The following MUC5AC variants were observed in gnomAD, a reference collection of about 807,000 sequenced individuals.
The protein encoded by MUC5AC is mucin 5AC, oligomeric mucus/gel-forming, also known as mucin-5AC.
MUC5AC carries 158 observed loss-of-function variants against 169.7 expected under a neutral mutation model. That is an observed-to-expected ratio of 0.93 (90% CI 0.82 to 1.06). The LOEUF (loss-of-function observed/expected upper bound fraction) is 1.06. Ranked by LOEUF, MUC5AC falls within the 50% of genes least tolerant of loss-of-function variation. MUC5AC has a pLI of 0.00. For synonymous variants in MUC5AC, 1,975 were observed against 1,237.0 expected, an observed-to-expected ratio of 1.60 and a Z score of -12.52; for missense variants, 4,359 against 3,089.9, an observed-to-expected ratio of 1.41 and a Z score of -9.74.
intron 16 of MUC5AC, 35 bp from the exon 17 acceptor site, chr11:1,174,461 G>C: frequency 7.6e-7 from 1 of 1,320,082 alleles, no homozygotes; most frequent in Non-Finnish European, 1.0e-6. Context: ...TGTGGGCTGG[G>C]GTCTCTGATG....
intron 15 of MUC5AC, among the ~76,000 whole-genome samples, chr11:1,171,374 CCCAT>C (rs1590139096): frequency 4.9e-5 from 7 of 142,384 alleles, no homozygotes; most frequent in South Asian, 2.4e-4. Context: ...CACCCACTCA[CCCAT>C]TCACTCACCC....
At chr11:1,176,453 G>C in intron 20 of MUC5AC, 61 bp from the exon 21 acceptor site, 3 of 398,906 alleles carry the variant, frequency 7.5e-6, no homozygotes, top group Non-Finnish European at 1.3e-5. Context: ...GCTGTCCCTG[G>C]GAGGACCTGG....
chr11:1,170,811 A>T (rs1860490795), intron 15 of MUC5AC, among the ~76,000 whole-genome samples: 1 of 147,134 alleles, frequency 6.8e-6, no homozygotes, highest in South Asian at 2.2e-4. Context: ...TCACCCACTC[A>T]CCCATTCACC....
chr11:1,197,135 C>T (rs896443323), intron 40 of MUC5AC, among the ~76,000 whole-genome samples: 21 of 152,270 alleles, frequency 1.4e-4, no homozygotes, highest in African/African-American at 4.3e-4. Flanking sequence ...GGTGCCGGGG[C>T]GTCTGTCCTG....
chr11:1,169,851 GACTCACCCATTCACCC>G (rs1860447648), intron 15 of MUC5AC, among the ~76,000 whole-genome samples: 1 of 28,520 alleles, frequency 3.5e-5, no homozygotes, highest in Non-Finnish European at 6.8e-5. Flanking sequence ...CCCACTCACC[GACTCACCCATTCACCC>G]ACTCACCCAC....
intron 21 of MUC5AC, 90 bp downstream of exon 21, chr11:1,176,755 T>A: frequency 2.5e-6 from 1 of 398,014 alleles, no homozygotes; most frequent in Non-Finnish European, 4.4e-6. Flanking sequence ...AGCACAGGGG[T>A]CCCGGGAAAA....
rs1266150699 is a variant in MUC5AC at position 1,182,667 on chromosome 11, G to A, written c.4522G>A (p.Ala1508Thr). 5 of 398,972 alleles carry A rather than the reference G, an allele frequency of 1.3e-5. No individual in the cohort carries two copies. The highest frequency in any genetic ancestry group is 8.8e-5 in the Admixed American group (2 of 22,724). The allele number at this position is 398,972 out of a possible 1,614,324, so 24.7% of individuals were successfully genotyped here. A position where few individuals can be genotyped will look rare whatever the true frequency, so the allele number is the denominator to read the frequency against. The change falls in exon 31 of 49, where the codon GCT becomes ACT. Residue 1508 changes from alanine (A) to threonine (T), a missense_variant. By Grantham distance (58) the Ala-to-Thr change is moderately conservative. Transcript: ENST00000621226. ...TGAAACCCGGGCCTCAGGCTCCTCA[G>A]CTCCCAGCAGCACACCTGGCACCGT... is the stretch of plus-strand genomic sequence containing the variant. ...TTETRASGSS[A>T]PSSTPGTVSL...
Position 1,194,102 on chromosome 11 carries a change from C to A in MUC5AC, c.14756-8C>A. The A allele has an allele frequency of 1.3e-6, 1 of 763,730 alleles. No homozygotes were observed. Among genetic ancestry groups the A allele is most frequent in the Non-Finnish European group, 2.4e-6 (1 of 416,786 alleles). 47.3% of individuals were successfully genotyped at this position (763,730 alleles called of 1,614,324 possible). ...GCCACCCGTAAGGCTGCCCCTGGGG[C>A]CTGGCAGGTGTGTGCAGCGGCTGGG... On this transcript the variant is annotated splice_polypyrimidine_tract_variant and splice_region_variant and intron_variant, in intron 33 of 48. Coordinates refer to ENST00000621226, the MANE Select transcript of MUC5AC (RefSeq NM_001304359.2).
chr11:1,182,105 C>A (rs1209418275), intron 30 of MUC5AC, 50 bp from the exon 31 acceptor site: 15 of 398,296 alleles, frequency 3.8e-5, no homozygotes, highest in Non-Finnish European at 5.3e-5. Context: ...GGGCGGGCGG[C>A]CCCCAAGTGC....
chr11:1,165,552 C>T, intron 10 of MUC5AC, 70 bp from the exon 11 acceptor site: 3 of 1,599,800 alleles, frequency 1.9e-6, no homozygotes, highest in South Asian at 1.1e-5. Context: ...CCCGGTCAGC[C>T]TCCTGACGCG....
intron 6 of MUC5AC, 37 bp downstream of exon 6, chr11:1,163,082 G>A: frequency 1.9e-6 from 3 of 1,578,518 alleles, no homozygotes; most frequent in Non-Finnish European, 2.6e-6. Context: ...CTTCCTCAGT[G>A]TCCCCTGGGG....
rs1554928487 is a variant in MUC5AC, at chr11:1,188,116, A to G, written c.9971A>G (p.Lys3324Arg). 5.5e-6 allele frequency: 4 copies of G among 733,696 alleles called. No individual in the cohort carries two copies. The highest frequency in any genetic ancestry group is 1.0e-5 in the Non-Finnish European group (4 of 399,932). 45.4% of individuals were successfully genotyped at this position (733,696 alleles called of 1,614,324 possible). Residue 3324 changes from lysine to arginine, a missense_variant, in exon 31 of 49, where the codon AAA becomes AGA. Transcript: ENST00000621226. Reference protein sequence around the residue: ...EVRVLCCETPKGCPVTSTPVT... With the variant: ...EVRVLCCETPRGCPVTSTPVT... ...CGTGTGCTCTGCTGCGAGACCCCTA[A>G]AGGTTGCCCCGTGACCTCCACACCT...
Position 1,185,294 on chromosome 11 carries a change from C to G in MUC5AC, c.7149C>G (p.Ala2383=), listed in dbSNP as rs1433862412. 4.5e-6 allele frequency: 3 copies of G among 662,862 alleles called. No individual in the cohort carries two copies. The highest frequency in any genetic ancestry group is 8.2e-6 in the Non-Finnish European group (3 of 366,448). The allele number at this position is 662,862 out of a possible 1,614,324, so 41.1% of individuals were successfully genotyped here. The part of the protein sequence containing the change: ...TSARTSSTTS[A]TTTSRISGPE... The stretch of plus-strand genomic sequence containing the variant: ...CCCGTACAAGCAGCACAACCTCTGC[C>G]ACTACCACCAGCAGAATCTCTGGTC... The change falls in exon 31 of 49, where the codon GCC becomes GCG. Residue 2383 remains alanine, a synonymous_variant. Transcript: ENST00000621226.
intron 1 of MUC5AC, among the ~76,000 whole-genome samples, chr11:1,159,232 C>T (rs942238694): frequency 6.0e-4 from 92 of 152,114 alleles, no homozygotes; most frequent in Admixed American, 1.2e-3. Flanking sequence ...GGCCTGAGGA[C>T]CCCTATGCCA....
intron 12 of MUC5AC, 105 bp downstream of exon 12, chr11:1,168,092 G>A (rs1860387543): frequency 1.0e-6 from 1 of 977,440 alleles, no homozygotes; most frequent in Admixed American, 2.0e-5. Flanking sequence ...AACAGCGAGA[G>A]GCGGGGACCC....
rs1436419041 is a variant in MUC5AC at position 1,200,576 on chromosome 11, C to A, written c.16839C>A (p.Gly5613=). 1 of 764,626 alleles carries A rather than the reference C, an allele frequency of 1.3e-6. No homozygotes were observed. Among genetic ancestry groups the A allele is most frequent in the East Asian group, 2.4e-5 (1 of 41,222 alleles). The allele number at this position is 764,626 out of a possible 1,614,324, so 47.4% of individuals were successfully genotyped here. A position where few individuals can be genotyped will look rare whatever the true frequency, so the allele number is the denominator to read the frequency against. ...AFSYTEVEEC[G]CMGRRCPAPG... ...GCTACACCGAGGTGGAAGAGTGCGG[C>A]TGCATGGGCCGGCGGTGCCCTGCGC... Residue 5613 remains glycine, a synonymous_variant, in exon 49 of 49, where the codon GGC becomes GGA. Transcript: ENST00000621226.
intron 15 of MUC5AC, among the ~76,000 whole-genome samples, chr11:1,170,167 TCACC>T (rs1210594074): frequency 5.8e-5 from 2 of 34,704 alleles, no homozygotes. Context: ...ATTCACTCAC[TCACC>T]CACTCACCCA....
chr11:1,192,244 G>A lies in MUC5AC; in HGVS notation c.14099G>A (p.Gly4700Asp). ...GTGGTGCAGTGCAGCCGTGAAGAGG[G>A]CCTGGTGTGCCGGAACCAGGACCAG... ...GQVVQCSREE[G>D]LVCRNQDQQG... The change falls in exon 31 of 49, where the codon GGC (glycine) becomes GAC (aspartate). Residue 4700 changes from glycine to aspartate, a missense_variant. Gly to Asp is a moderately conservative substitution (Grantham distance 94, BLOSUM62 -1). Coordinates refer to ENST00000621226, the MANE Select transcript of MUC5AC (RefSeq NM_001304359.2). 1.3e-6 allele frequency: 1 copy of A among 765,108 alleles called. No individual in the cohort carries two copies. 47.4% of individuals were successfully genotyped at this position (765,108 alleles called of 1,614,324 possible). A position where few individuals can be genotyped will look rare whatever the true frequency, so the allele number is the denominator to read the frequency against.
In MUC5AC at chr11:1,201,085, C is replaced by G. The variant is rs1861417918; in HGVS notation, c.*383C>G. ...CTACCTCAGCCCTCAGCCTGCGCTC[C>G]CCTCCTCAGTACACGGCCAATCTGT... is the stretch of plus-strand genomic sequence containing the variant. On this transcript the variant is annotated 3_prime_UTR_variant, in exon 49 of 49. Transcript: ENST00000621226. 1 of 200,304 alleles carries G rather than the reference C, an allele frequency of 5.0e-6. No homozygotes were observed. Among genetic ancestry groups the G allele is most frequent in the South Asian group, 1.8e-4 (1 of 5,692 alleles). 12.4% of individuals were successfully genotyped at this position (200,304 alleles called of 1,614,324 possible).
Sources: allele counts gnomAD v4.1 joint callset (sites outside exome capture counted in the v4.1 genomes callset), GRCh38; gene constraint gnomAD v4.1.1; transcripts MANE v1.5; gene names NCBI Gene and HGNC (gene_info 2026-07-23, HGNC 2026-07-21).